Variants in BCHE observed in about 807,000 individuals in gnomAD.
The protein encoded by BCHE is butyrylcholinesterase, also known as cholinesterase.
Under a neutral mutation model 51.3 loss-of-function variants are expected in BCHE, and 48 were observed. The observed-to-expected ratio is 0.94, with a 90% CI of 0.74 to 1.19. The LOEUF is 1.19. BCHE is among the 50% of genes most tolerant of loss of function. The pLI is 0.00. For missense variants in BCHE, 847 were observed against 708.2 expected (o/e 1.20, Z -2.23); for synonymous variants, 251 against 238.0 (o/e 1.05, Z -0.50).
intron 2 of BCHE, among the ~76,000 whole-genome samples, chr3:165,788,153 C>G (rs1273216062): frequency 6.6e-6 from 1 of 151,788 alleles, no homozygotes; most frequent in Non-Finnish European, 1.5e-5. Flanking sequence ...GCCAAAGTCT[C>G]TAAGTCCAGT....
intron 3 of BCHE, among the ~76,000 whole-genome samples, chr3:165,784,892 G>T (rs906563226): frequency 1.3e-4 from 20 of 151,376 alleles, no homozygotes; most frequent in Admixed American, 7.3e-4. Context: ...TATCTCTTTG[G>T]GTCTCTTGGC....
Position 165,830,185 on chromosome 3 carries a change from C to G in BCHE, c.849G>C (p.Glu283Asp), listed in dbSNP as rs16849700. 24,760 of 1,613,926 alleles carry G rather than the reference C, an allele frequency of 0.015. 330 individuals carry two copies. The highest frequency in any genetic ancestry group is 0.059 in the African/African-American group (4,425 of 75,000). ...GACACTTGATTATTTCAGTCTCATT[C>G]TCTCTAGAGCAACCAGTCAATTTAG... ...NLAKLTGCSR[E>D]NETEIIKCLR... The change falls in exon 2 of 4, where the codon GAG (glutamate) becomes GAC (aspartate). Residue 283 changes from glutamate to aspartate, a missense_variant. By Grantham distance (45) the Glu-to-Asp change is conservative. Coordinates refer to ENST00000264381, the MANE Select transcript of BCHE (RefSeq NM_000055.4).
At chr3:165,788,279 A>C (rs1713037284) in intron 2 of BCHE, among the ~76,000 whole-genome samples, 1 of 152,066 alleles carries the variant, frequency 6.6e-6, no homozygotes, top group African/African-American at 2.4e-5. Flanking sequence ...AGATGCAGAC[A>C]TGTTCAACCA....
At chr3:165,783,182 T>G (rs570180056) in intron 3 of BCHE, among the ~76,000 whole-genome samples, 8 of 152,242 alleles carry the variant, frequency 5.3e-5, no homozygotes, top group South Asian at 2.1e-4. Context: ...TATTTTTCTG[T>G]TTTTGATCAG....
At chr3:165,827,343 A>G (rs924649126) in intron 2 of BCHE, among the ~76,000 whole-genome samples, 6 of 151,972 alleles carry the variant, frequency 3.9e-5, no homozygotes, top group Non-Finnish European at 7.4e-5. Context: ...AACTCTTTAT[A>G]GCTTATGATC....
chr3:165,816,284 A>C (rs1287599488), intron 2 of BCHE, among the ~76,000 whole-genome samples: 1 of 151,980 alleles, frequency 6.6e-6, no homozygotes, highest in Non-Finnish European at 1.5e-5. Context: ...AGTTTTCTAT[A>C]AGGAAAGTAA....
chr3:165,810,118 G>C (rs546785043), intron 2 of BCHE, among the ~76,000 whole-genome samples: 2 of 152,234 alleles, frequency 1.3e-5, no homozygotes, highest in African/African-American at 4.8e-5. Context: ...ACAGAGTTGA[G>C]ATTTATTTTG....
intron 3 of BCHE, among the ~76,000 whole-genome samples, chr3:165,775,228 T>A (rs1712417994): frequency 6.6e-6 from 1 of 152,010 alleles, no homozygotes; most frequent in South Asian, 2.1e-4. Flanking sequence ...GACATTACAA[T>A]ATCCCTTGTA....
rs748573790 is a variant in BCHE at position 165,813,139 on chromosome 3, G to C, written c.1517+16378C>G. 2.6e-5 allele frequency among the ~76,000 whole-genome samples: 4 copies of C among 151,846 alleles called. No individual in the cohort carries two copies. In the East Asian group the frequency reaches 7.7e-4, roughly 29 times the overall value. ...AGAGACTACTGTGGATTTAGCAAGA[G>C]AAGTTGCAAAATTATAATAAACAGT... is the stretch of plus-strand genomic sequence containing the variant. On this transcript the variant is annotated intron_variant, in intron 2 of 3. Transcript: ENST00000264381.
intron 3 of BCHE, among the ~76,000 whole-genome samples, chr3:165,781,849 G>A (rs1411544784): frequency 6.6e-6 from 1 of 152,054 alleles, no homozygotes; most frequent in East Asian, 1.9e-4. Context: ...TATGTGGTAT[G>A]AAAAATAATA....
At chr3:165,828,037 A>C (rs2108233258) in intron 2 of BCHE, 1 of 456,220 alleles carries the variant, frequency 2.2e-6, no homozygotes, top group South Asian at 1.6e-5. Context: ...TTCTGTTTCA[A>C]GAACGTAGTT....
chr3:165,791,046 C>T (rs1388249282), intron 2 of BCHE, among the ~76,000 whole-genome samples: 2 of 152,094 alleles, frequency 1.3e-5, no homozygotes, highest in African/African-American at 2.4e-5. Context: ...GCCTGTAATC[C>T]AGCACTTTGG....
In BCHE at chr3:165,829,869, C is replaced by T. The variant is rs1576671073; in HGVS notation, c.1165G>A (p.Val389Met). Reference sequence around the variant, plus strand: ...ATGGATTCCTTTCCAAACTCACTCACTCCTGGAAAAAATATTTTTAAACCT... The same window carrying T: ...ATGGATTCCTTTCCAAACTCACTCATTCCTGGAAAAAATATTTTTAAACCT... ...QEGLKIFFPG[V>M]SEFGKESILF... is the part of the protein sequence containing the mutation. The change falls in exon 2 of 4, where the codon GTG becomes ATG. Residue 389 changes from valine (V) to methionine (M), a missense_variant. Transcript: ENST00000264381. 1.2e-6 allele frequency: 2 copies of T among 1,611,974 alleles called. No individual in the cohort carries two copies. The highest frequency in any genetic ancestry group is 2.2e-5 in the East Asian group (1 of 44,848).
chr3:165,829,618 A>C lies in BCHE; in HGVS notation c.1416T>G (p.Phe472Leu). Residue 472 changes from phenylalanine (F) to leucine (L), a missense_variant, in exon 2 of 4, where the codon TTT becomes TTG. Phe to Leu is a conservative substitution (Grantham distance 22). Coordinates refer to ENST00000264381, the MANE Select transcript of BCHE (RefSeq NM_000055.4). ...MGVMHGYEIE[F>L]VFGLPLERRD... The stretch of plus-strand genomic sequence containing the variant: ...TTCTTTCCAGAGGTAAACCAAAGAC[A>C]AATTCAATTTCATAGCCATGCATCA... The C allele has an allele frequency of 6.2e-7, 1 of 1,613,840 alleles. No homozygotes were observed. The highest frequency in any genetic ancestry group is 1.1e-5 in the South Asian group (1 of 91,082).
intron 2 of BCHE, among the ~76,000 whole-genome samples, chr3:165,813,691 T>A (rs1277597246): frequency 8.6e-5 from 13 of 151,838 alleles, no homozygotes; most frequent in Non-Finnish European, 1.9e-4. Context: ...CTGCAGAAAT[T>A]TCAAGGATAA....
chr3:165,808,476 G>A (rs1412413437), intron 2 of BCHE, among the ~76,000 whole-genome samples: 1 of 151,700 alleles, frequency 6.6e-6, no homozygotes, highest in African/African-American at 2.4e-5. Context: ...AGTAGCTGTT[G>A]ATATGTTTAA....
chr3:165,809,575 C>G (rs909683587), intron 2 of BCHE, among the ~76,000 whole-genome samples: 2 of 151,984 alleles, frequency 1.3e-5, no homozygotes, highest in Non-Finnish European at 2.9e-5. Context: ...ACATGTATAA[C>G]TTTTTAGATC....
intron 3 of BCHE, chr3:165,777,903 A>G (rs1178865332): frequency 1.0e-5 from 3 of 289,324 alleles, no homozygotes; most frequent in Non-Finnish European, 2.1e-5. Context: ...TCTTTACACT[A>G]GCTTACTTTA....
At chr3:165,782,618 A>G (rs772380057) in intron 3 of BCHE, among the ~76,000 whole-genome samples, 12 of 152,164 alleles carry the variant, frequency 7.9e-5, no homozygotes, top group Non-Finnish European at 1.6e-4. Flanking sequence ...CTATTTAACA[A>G]AGTCTAAGGA....
Sources: gnomAD v4.1 joint callset for allele counts (sites outside exome capture counted in the v4.1 genomes callset) on GRCh38, gnomAD v4.1.1 for gene constraint, MANE v1.5 for transcripts, NCBI Gene and HGNC (gene_info 2026-07-23, HGNC 2026-07-21) for gene names.